Variants in PCDH15 observed in about 807,000 individuals in gnomAD.
The protein encoded by PCDH15 is protocadherin-15.
In PCDH15, 129 loss-of-function variants were observed where a neutral mutation model predicts 178.5. The ratio of observed to expected loss-of-function variants is 0.72; its 90% CI spans 0.63 to 0.84. The LOEUF is 0.84. PCDH15 is among the 40% of genes least tolerant of loss of function. The probability of loss-of-function intolerance (pLI) is 0.00; values close to 1 mark genes in which losing one functional copy is unlikely to be tolerated. For synonymous variants in PCDH15, 800 were observed against 732.0 expected (o/e 1.09, Z -1.50); for missense variants, 2,230 against 2,099.9 (o/e 1.06, Z -1.21).
intron 15 of PCDH15, among the ~76,000 whole-genome samples, chr10:54,121,566 A>C (rs1195794192): frequency 6.6e-6 from 1 of 152,128 alleles, no homozygotes; most frequent in African/African-American, 2.4e-5. Context: ...ATTAATAAAG[A>C]GAAGAAAAGA....
At chr10:54,394,792 C>T (rs371843352) in intron 3 of PCDH15, among the ~76,000 whole-genome samples, 4 of 152,102 alleles carry the variant, frequency 2.6e-5, no homozygotes, top group South Asian at 2.1e-4. Context: ...AAGAGGCAGG[C>T]GCACCTGGGG....
At chr10:54,398,934 A>T (rs1258427472) in intron 3 of PCDH15, among the ~76,000 whole-genome samples, 3 of 152,112 alleles carry the variant, frequency 2.0e-5, no homozygotes, top group African/African-American at 7.2e-5. Flanking sequence ...GACATCAAAC[A>T]TATTTTCTAA....
At chr10:54,348,116 G>A (rs531310638) in intron 5 of PCDH15, among the ~76,000 whole-genome samples, 4 of 152,156 alleles carry the variant, frequency 2.6e-5, no homozygotes, top group South Asian at 4.2e-4. Context: ...CCAAAGTGCT[G>A]GGATTACAGG....
chr10:54,021,830 A>G (rs1332596720), intron 19 of PCDH15, among the ~76,000 whole-genome samples: 2 of 151,846 alleles, frequency 1.3e-5, no homozygotes, highest in African/African-American at 4.8e-5. Context: ...TTGTATCCCC[A>G]AAGTCTTTGC....
chr10:54,293,098 G>A (rs2059526277), intron 8 of PCDH15, among the ~76,000 whole-genome samples: 1 of 152,130 alleles, frequency 6.6e-6, no homozygotes, highest in Admixed American at 6.5e-5. Context: ...AAAACTGCAT[G>A]GTACTGGTAC....
chr10:54,982,080 G>A (rs1024059230), intron 2 of PCDH15, among the ~76,000 whole-genome samples: 2 of 152,064 alleles, frequency 1.3e-5, no homozygotes, highest in African/African-American at 2.4e-5. Context: ...TGCCTAGAAC[G>A]TTGGATTTAC....
Position 55,019,565 on chromosome 10 carries a change from T to C in PCDH15, c.-79-122065A>G, listed in dbSNP as rs574069990. 6.2e-4 allele frequency among the ~76,000 whole-genome samples: 94 copies of C among 152,248 alleles called. 1 individual carries two copies. The South Asian group carries it at 0.019, about 31-fold the overall frequency. ...TGCAAGTGCCATCTGGCCCTCTTCA[T>C]GTTAACTGGGGCTAGGAGAATCACA... On this transcript the variant is annotated intron_variant, in intron 2 of 5. Transcript: ENST00000458638.
At chr10:54,997,978 C>A (rs1214007946) in intron 2 of PCDH15, among the ~76,000 whole-genome samples, 1 of 151,798 alleles carries the variant, frequency 6.6e-6, no homozygotes, top group Non-Finnish European at 1.5e-5. Flanking sequence ...CTATAAAATC[C>A]AATAATTGGT....
intron 2 of PCDH15, among the ~76,000 whole-genome samples, chr10:55,132,467 G>C (rs531744409): frequency 1.2e-4 from 18 of 152,084 alleles, no homozygotes; most frequent in Admixed American, 1.3e-4. Flanking sequence ...TAAAAAGCAC[G>C]TGCTTCCCAC....
At chr10:54,532,294 CTAACA>C (rs1273276231) in intron 2 of PCDH15, among the ~76,000 whole-genome samples, 2 of 152,104 alleles carry the variant, frequency 1.3e-5, no homozygotes, top group East Asian at 3.9e-4. Context: ...AGAATGTAAA[CTAACA>C]TATTTTATAT....
chr10:55,055,801 C>T (rs1476476506), intron 2 of PCDH15, among the ~76,000 whole-genome samples: 1 of 151,308 alleles, frequency 6.6e-6, no homozygotes, highest in Non-Finnish European at 1.5e-5. Context: ...GGAGTGAGCC[C>T]CTGTCTCAAA....
chr10:55,585,444 C>A (rs983513997), intron 2 of PCDH15, among the ~76,000 whole-genome samples: 2 of 152,052 alleles, frequency 1.3e-5, no homozygotes, highest in Admixed American at 6.6e-5. Context: ...TTTGAGAGGC[C>A]AAGGAGGGCT....
chr10:54,641,307 T>C (rs2093982387), intron 2 of PCDH15, among the ~76,000 whole-genome samples: 1 of 152,122 alleles, frequency 6.6e-6, no homozygotes, highest in African/African-American at 2.4e-5. Flanking sequence ...TCACCACTTA[T>C]TCAGTTATCT....
At chr10:55,192,288 T>C (rs914235199) in intron 1 of PCDH15, among the ~76,000 whole-genome samples, 2 of 151,992 alleles carry the variant, frequency 1.3e-5, no homozygotes, top group Non-Finnish European at 1.5e-5. Flanking sequence ...ATTCTCCAGA[T>C]GGCTTATGTT....
At chr10:54,114,724 G>A (rs1276309825) in intron 15 of PCDH15, among the ~76,000 whole-genome samples, 1 of 152,096 alleles carries the variant, frequency 6.6e-6, no homozygotes, top group Non-Finnish European at 1.5e-5. Flanking sequence ...AGCAAAGTCT[G>A]CAGGAAGGGA....
At chr10:54,738,318 T>C (rs1049259444) in intron 1 of PCDH15, among the ~76,000 whole-genome samples, 7 of 152,096 alleles carry the variant, frequency 4.6e-5, no homozygotes, top group African/African-American at 1.7e-4. Context: ...TAAACAGAGA[T>C]ATGGAAATAA....
intron 2 of PCDH15, among the ~76,000 whole-genome samples, chr10:55,370,763 A>C (rs879912035): frequency 3.3e-5 from 5 of 152,094 alleles, no homozygotes; most frequent in Non-Finnish European, 7.4e-5. Flanking sequence ...CTTTCTTCCG[A>C]TTATCTTCAA....
At chr10:54,988,256 GT>G (rs949903173) in intron 2 of PCDH15, among the ~76,000 whole-genome samples, 1 of 152,066 alleles carries the variant, frequency 6.6e-6, no homozygotes, top group Non-Finnish European at 1.5e-5. Flanking sequence ...CACTGTTTTG[GT>G]TTGTTTTGGT....
chr10:55,089,366 C>T (rs1842258394), intron 2 of PCDH15, among the ~76,000 whole-genome samples: 2 of 151,430 alleles, frequency 1.3e-5, no homozygotes, highest in South Asian at 4.2e-4. Context: ...ACTAAGTACT[C>T]TTACAGATAA....
Sources: gnomAD v4.1 joint callset for allele counts (sites outside exome capture counted in the v4.1 genomes callset) on GRCh38, gnomAD v4.1.1 for gene constraint, MANE v1.5 for transcripts, NCBI Gene and HGNC (gene_info 2026-07-23, HGNC 2026-07-21) for gene names.